The following SOS2 variants were observed in gnomAD, a reference collection of about 807,000 sequenced individuals.
SOS2 encodes SOS Ras/Rho guanine nucleotide exchange factor 2.
SOS2 carries 65 observed loss-of-function variants against 148.2 expected under a neutral mutation model. The ratio of observed to expected loss-of-function variants is 0.44; its 90% CI spans 0.36 to 0.54. The LOEUF (loss-of-function observed/expected upper bound fraction) is 0.54, where lower values mean the gene tolerates loss of function less well. Ranked by LOEUF, SOS2 falls within the 20% of genes least tolerant of loss-of-function variation. SOS2 has a pLI of 0.00. For synonymous variants in SOS2, 539 were observed against 537.1 expected, an observed-to-expected ratio of 1.00 and a Z score of -0.05; for missense variants, 1,341 against 1,590.2, an observed-to-expected ratio of 0.84 and a Z score of 2.67.
At chr14:50,127,138 C>CTTT (rs5808538) in intron 21 of SOS2, among the ~76,000 whole-genome samples, 5 of 105,316 alleles carry the variant, frequency 4.7e-5, no homozygotes, top group Admixed American at 1.1e-4. Flanking sequence ...AGAAGGTCTC[C>CTTT]TTTTTTTTTT....
At chr14:50,192,508 A>G (rs1265108006) in intron 4 of SOS2, among the ~76,000 whole-genome samples, 1 of 152,040 alleles carries the variant, frequency 6.6e-6, no homozygotes, top group Non-Finnish European at 1.5e-5. Context: ...CTGGGCAGAG[A>G]TTGCGCCACT....
At chr14:50,185,768 T>C (rs1195253083) in intron 5 of SOS2, among the ~76,000 whole-genome samples, 3 of 152,014 alleles carry the variant, frequency 2.0e-5, no homozygotes, top group African/African-American at 2.4e-5. Flanking sequence ...GACCCTGGCT[T>C]AGGAATGAAA....
chr14:50,142,356 C>T lies in SOS2; in HGVS notation c.2668-2297G>A, dbSNP rs573757105. Among the ~76,000 whole-genome samples the T allele has an allele frequency of 2.0e-5, 3 of 152,122 alleles. No individual in the cohort carries two copies. In the East Asian group the frequency reaches 5.8e-4, roughly 29 times the overall value. On this transcript the variant is annotated intron_variant, in intron 16 of 22. Coordinates refer to ENST00000216373, the MANE Select transcript of SOS2 (RefSeq NM_006939.4). ...ATTAATATCTTTAACATATAAAGTT[C>T]ATACAAATCAATAAAATGCAAACAC...
chr14:50,172,299 T>G (rs553563701), intron 8 of SOS2, among the ~76,000 whole-genome samples: 11 of 152,264 alleles, frequency 7.2e-5, no homozygotes, highest in Non-Finnish European at 1.5e-4. Context: ...GTCTTTCCAT[T>G]CCACATTTCT....
intron 1 of SOS2, among the ~76,000 whole-genome samples, chr14:50,209,027 C>T (rs1475152696): frequency 6.6e-6 from 1 of 152,102 alleles, no homozygotes; most frequent in South Asian, 2.1e-4. Context: ...TGACTAAAGG[C>T]CTGAATAGAA....
At chr14:50,228,999 G>A (rs1406949228) in intron 1 of SOS2, among the ~76,000 whole-genome samples, 1 of 152,182 alleles carries the variant, frequency 6.6e-6, no homozygotes, top group African/African-American at 2.4e-5. Context: ...AGGATGCCAA[G>A]TTCTAGATGC....
intron 21 of SOS2, among the ~76,000 whole-genome samples, chr14:50,121,583 C>A (rs1232788966): frequency 6.8e-6 from 1 of 146,630 alleles, no homozygotes; most frequent in Non-Finnish European, 1.5e-5. Context: ...AAAAGGTACG[C>A]CTATGAGGTT....
intron 18 of SOS2, among the ~76,000 whole-genome samples, chr14:50,137,567 T>A (rs998690254): frequency 2.0e-5 from 3 of 152,204 alleles, no homozygotes; most frequent in African/African-American, 7.2e-5. Flanking sequence ...TAACATGCTA[T>A]CTACTGATTA....
chr14:50,164,670 G>A (rs1334320231), intron 8 of SOS2, among the ~76,000 whole-genome samples: 7 of 151,456 alleles, frequency 4.6e-5, no homozygotes, highest in African/African-American at 1.7e-4. Flanking sequence ...AAAAATTACT[G>A]TACTGAACTA....
At position 50,138,782 on chromosome 14, in the gene SOS2, T is replaced by C. The variant is rs1884167862; in HGVS notation, c.2788A>G (p.Ile930Val). 2.4e-6 allele frequency: 2 copies of C among 826,094 alleles called. No individual in the cohort carries two copies. Among genetic ancestry groups the C allele is most frequent in the South Asian group, 1.9e-5 (1 of 51,916 alleles). The allele number at this position is 826,094 out of a possible 1,614,324, so 51.2% of individuals were successfully genotyped here. ...GTCTTCAGAATATTTGTTAAATATA[T>C]TCCTAGTAAAAAAAAAAAAAGAATT... ...INPPCVPFFGIYLTNILKTEE... is the reference protein window; with the variant it reads ...INPPCVPFFGVYLTNILKTEE... Residue 930 changes from isoleucine to valine, a missense_variant and splice_region_variant, in exon 18 of 23, where the codon ATA (isoleucine) becomes GTA (valine). Physicochemically the swap from Ile to Val is conservative, Grantham distance 29 (BLOSUM62 3). This residue lies in a region of SOS2 where 408 missense variants were observed against 506.6 expected (regional missense o/e 0.81). Transcript: ENST00000216373.
intron 19 of SOS2, among the ~76,000 whole-genome samples, chr14:50,132,307 A>G (rs933314878): frequency 8.6e-5 from 12 of 140,306 alleles, no homozygotes; most frequent in African/African-American, 3.2e-4. Context: ...ATTTAAGGCC[A>G]GGGGTTTGAG....
At chr14:50,184,864 CAAAAAAA>C (rs34039045) in intron 5 of SOS2, among the ~76,000 whole-genome samples, 7 of 57,128 alleles carry the variant, frequency 1.2e-4, no homozygotes, top group African/African-American at 3.9e-4. Flanking sequence ...ACCCTGTCTC[CAAAAAAA>C]AAAAAAAAAA....
chr14:50,163,083 T>C (rs1885062747), intron 8 of SOS2, among the ~76,000 whole-genome samples: 2 of 151,202 alleles, frequency 1.3e-5, no homozygotes, highest in Admixed American at 1.3e-4. Flanking sequence ...TTTTTTTAAT[T>C]TTTCTGTAGA....
At chr14:50,139,416 G>A (rs1000061391) in intron 17 of SOS2, among the ~76,000 whole-genome samples, 2 of 152,108 alleles carry the variant, frequency 1.3e-5, no homozygotes, top group Non-Finnish European at 2.9e-5. Context: ...CAACTCCAGG[G>A]TGCTATTGGA....
intron 5 of SOS2, among the ~76,000 whole-genome samples, chr14:50,185,732 T>C (rs868073123): frequency 6.6e-6 from 1 of 151,816 alleles, no homozygotes; most frequent in Non-Finnish European, 1.5e-5. Context: ...AAACTGTTTT[T>C]CCCTTTTACA....
chr14:50,173,446 G>C (rs1280081506), intron 8 of SOS2, among the ~76,000 whole-genome samples: 1 of 151,696 alleles, frequency 6.6e-6, no homozygotes, highest in African/African-American at 2.4e-5. Flanking sequence ...TTTTGAGACG[G>C]AGTCTCGCTC....
In SOS2 at chr14:50,118,527, A is replaced by G. The variant is rs1396554507; in HGVS notation, c.3816T>C (p.Arg1272=). ...GACTAGAACTGAGCACATAGCATCG[A>G]CGCGGTACCCTTGGAGAGGGTGTGC... ...PPSTPSPRVP[R]RCYVLSSSQN... is the part of the protein sequence containing the mutation. The change falls in exon 23 of 23, where the codon CGT becomes CGC. Residue 1272 remains arginine (R), a synonymous_variant. Coordinates refer to ENST00000216373, the MANE Select transcript of SOS2 (RefSeq NM_006939.4). 1 of 1,614,132 alleles carries G rather than the reference A, an allele frequency of 6.2e-7. No homozygotes were observed. Among genetic ancestry groups the G allele is most frequent in the Non-Finnish European group, 8.5e-7 (1 of 1,179,998 alleles).
chr14:50,119,143 A>G (rs1000694625), intron 22 of SOS2, among the ~76,000 whole-genome samples: 1 of 152,170 alleles, frequency 6.6e-6, no homozygotes, highest in African/African-American at 2.4e-5. Context: ...AGTGACAATA[A>G]TTTATTGCTT....
chr14:50,158,790 G>T (rs1884898383), intron 10 of SOS2, 144 bp from the exon 11 acceptor site: 1 of 610,010 alleles, frequency 1.6e-6, no homozygotes, highest in African/African-American at 1.9e-5. Flanking sequence ...TCATGGTACT[G>T]GCAGGATACC....
Sources: gnomAD v4.1 joint callset for allele counts (sites outside exome capture counted in the v4.1 genomes callset) on GRCh38, gnomAD v4.1.1 for gene constraint, gnomAD v4.1.1 regional missense constraint, MANE v1.5 for transcripts, NCBI Gene and HGNC (gene_info 2026-07-23, HGNC 2026-07-21) for gene names.